Variants in CHN2 observed in about 807,000 individuals in gnomAD.
CHN2 encodes chimerin 2, also known as beta-chimaerin.
CHN2 carries 35 observed loss-of-function variants against 56.3 expected under a neutral mutation model. The observed-to-expected ratio is 0.62, with a 90% CI of 0.47 to 0.82. The LOEUF is 0.82. CHN2 is among the 40% of genes least tolerant of loss of function. The pLI is 0.00. For missense variants in CHN2, 491 were observed against 580.5 expected (o/e 0.85, Z 1.58); for synonymous variants, 210 against 212.8 (o/e 0.99, Z 0.12).
chr7:29,372,997 T>C (rs766854940), intron 3 of CHN2, among the ~76,000 whole-genome samples: 27 of 152,376 alleles, frequency 1.8e-4, no homozygotes, highest in Admixed American at 1.2e-3. Context: ...AATGGCATAC[T>C]ATTATTTCAA....
intron 1 of CHN2, among the ~76,000 whole-genome samples, chr7:29,291,150 A>G (rs1792580856): frequency 6.6e-6 from 1 of 152,124 alleles, no homozygotes. Flanking sequence ...GTGTTTCTAG[A>G]GGAAGGTCAT....
At chr7:29,150,830 G>A (rs1000485266) in intron 2 of CHN2, among the ~76,000 whole-genome samples, 2 of 152,196 alleles carry the variant, frequency 1.3e-5, no homozygotes, top group Admixed American at 6.5e-5. Flanking sequence ...CAGAGGCACA[G>A]CGAAAAGAGA....
At chr7:29,242,331 G>A (rs970656776) in intron 1 of CHN2, among the ~76,000 whole-genome samples, 2 of 152,172 alleles carry the variant, frequency 1.3e-5, no homozygotes, top group African/African-American at 4.8e-5. Context: ...CTCTGGCGTT[G>A]TTGAGAGTAA....
chr7:29,195,177 G>A, intron 1 of CHN2, 187 bp downstream of exon 1: 1 of 522,826 alleles, frequency 1.9e-6, no homozygotes, highest in South Asian at 3.1e-5. Context: ...CTCCGCGCCT[G>A]ACATCTGACA....
chr7:29,194,568 G>A, upstream of CHN2: 1 of 199,018 alleles, frequency 5.0e-6, no homozygotes, highest in Non-Finnish European at 1.0e-5. Flanking sequence ...GGGGCGGCTC[G>A]GAGCTGCCAG....
intron 1 of CHN2, among the ~76,000 whole-genome samples, chr7:29,296,812 T>C (rs1209243201): frequency 6.6e-6 from 1 of 152,214 alleles, no homozygotes; most frequent in Admixed American, 6.5e-5. Flanking sequence ...TTAATGAACT[T>C]ACTATGAATT....
chr7:29,371,164 T>C (rs150831265), intron 3 of CHN2, among the ~76,000 whole-genome samples: 1 of 152,288 alleles, frequency 6.6e-6, no homozygotes, highest in East Asian at 1.9e-4. Flanking sequence ...GAACTGGTCA[T>C]TAAGGACAGA....
At chr7:29,508,353 A>C (rs1446910711) in intron 11 of CHN2, among the ~76,000 whole-genome samples, 1 of 151,758 alleles carries the variant, frequency 6.6e-6, no homozygotes, top group Non-Finnish European at 1.5e-5. Flanking sequence ...GCTGAGACAC[A>C]TGACACGGAA....
At chr7:29,252,591 T>G (rs13222695) in intron 1 of CHN2, among the ~76,000 whole-genome samples, 61 of 25,062 alleles carry the variant, frequency 2.4e-3, no homozygotes, top group East Asian at 0.016. Context: ...TTTTTTTTTT[T>G]TTTTTTTTTT....
intron 7 of CHN2, among the ~76,000 whole-genome samples, chr7:29,481,127 G>A (rs1787170186): frequency 6.6e-6 from 1 of 152,206 alleles, no homozygotes. Context: ...CTGCCAAATT[G>A]TCTAGCTTGA....
chr7:29,468,136 A>ACCCCCCCC (rs761559871), intron 6 of CHN2, among the ~76,000 whole-genome samples: 1 of 36,102 alleles, frequency 2.8e-5, no homozygotes, highest in African/African-American at 1.0e-4. Flanking sequence ...AACCAAACGG[A>ACCCCCCCC]CCCGCCCCCC....
At chr7:29,262,924 C>A (rs1353272548) in intron 1 of CHN2, among the ~76,000 whole-genome samples, 2 of 147,180 alleles carry the variant, frequency 1.4e-5, no homozygotes, top group Admixed American at 6.8e-5. Flanking sequence ...TGCACATATA[C>A]CCCGGAACTT....
At chr7:29,274,089 C>A (rs905399539) in intron 1 of CHN2, among the ~76,000 whole-genome samples, 8 of 152,162 alleles carry the variant, frequency 5.3e-5, no homozygotes, top group African/African-American at 1.9e-4. Context: ...GTGTCCCAAG[C>A]AAATAATCCT....
intron 1 of CHN2, among the ~76,000 whole-genome samples, chr7:29,288,257 G>A (rs760734611): frequency 1.3e-5 from 2 of 152,232 alleles, no homozygotes; most frequent in Non-Finnish European, 2.9e-5. Context: ...ATTCTCGCTG[G>A]TTTCCCAGTC....
chr7:29,298,437 G>A (rs549277930), intron 1 of CHN2, among the ~76,000 whole-genome samples: 1 of 152,312 alleles, frequency 6.6e-6, no homozygotes, highest in East Asian at 1.9e-4. Flanking sequence ...GAATGCTAAG[G>A]TGAAGCTGTG....
At chr7:29,262,933 TTAAAA>T (rs71940639) in intron 1 of CHN2, among the ~76,000 whole-genome samples, 25,169 of 152,100 alleles carry the variant, frequency 0.17, 2,411 homozygotes, top group Non-Finnish European at 0.22. Context: ...ACCCCGGAAC[TTAAAA>T]TAAATCGTGA....
intron 1 of CHN2, among the ~76,000 whole-genome samples, chr7:29,254,117 C>T (rs758614839): frequency 4.6e-5 from 7 of 152,138 alleles, no homozygotes; most frequent in South Asian, 2.1e-4. Flanking sequence ...GTTGGTCAGG[C>T]TGGTTTCGAA....
chr7:29,305,967 CAT>C (rs1424190408), intron 1 of CHN2, among the ~76,000 whole-genome samples: 1 of 151,916 alleles, frequency 6.6e-6, no homozygotes, highest in East Asian at 1.9e-4. Flanking sequence ...TTCTGTGTTT[CAT>C]ATCTAGAATG....
At chr7:29,468,504 A>G (rs1280528750) in intron 6 of CHN2, among the ~76,000 whole-genome samples, 1 of 152,088 alleles carries the variant, frequency 6.6e-6, no homozygotes, top group Non-Finnish European at 1.5e-5. Context: ...GTGTGGTTTT[A>G]TGATGGACAA....
Sources: gnomAD v4.1 joint callset for allele counts (sites outside exome capture counted in the v4.1 genomes callset) on GRCh38, gnomAD v4.1.1 for gene constraint, MANE v1.5 for transcripts, NCBI Gene and HGNC (gene_info 2026-07-23, HGNC 2026-07-21) for gene names.